GPC5: variants seen among roughly 807,000 people sequenced by gnomAD.
GPC5 encodes glypican 5.
In GPC5, 47 loss-of-function variants were observed where a neutral mutation model predicts 53.9. The observed-to-expected ratio is 0.87, with a 90% CI of 0.69 to 1.11. GPC5 has a LOEUF of 1.11. Among genes scored for constraint, GPC5 ranks in the 50% most tolerant of loss-of-function variants. The pLI is 0.00. For synonymous variants in GPC5, 286 were observed against 263.3 expected, an observed-to-expected ratio of 1.09 and a Z score of -0.84; for missense variants, 748 against 713.1, an observed-to-expected ratio of 1.05 and a Z score of -0.56.
chr13:91,920,928 T>TC (rs2039707094), intron 6 of GPC5, among the ~76,000 whole-genome samples: 1 of 31,956 alleles, frequency 3.1e-5, no homozygotes, highest in Non-Finnish European at 6.5e-5. Context: ...CTCTCTCTCT[T>TC]TTTTTTTTTT....
At chr13:92,271,235 A>G (rs1446736351) in intron 7 of GPC5, among the ~76,000 whole-genome samples, 2 of 152,202 alleles carry the variant, frequency 1.3e-5, no homozygotes, top group Admixed American at 1.3e-4. Context: ...GCCTTGCCAA[A>G]GGTGATATTT....
intron 6 of GPC5, among the ~76,000 whole-genome samples, chr13:92,068,017 G>C (rs2041180757): frequency 1.3e-5 from 2 of 151,982 alleles, no homozygotes; most frequent in African/African-American, 2.4e-5. Context: ...AGAAAGATTT[G>C]CCTGTTTTGG....
At chr13:92,787,778 G>A (rs1876307420) in intron 7 of GPC5, among the ~76,000 whole-genome samples, 1 of 151,270 alleles carries the variant, frequency 6.6e-6, no homozygotes, top group Non-Finnish European at 1.5e-5. Context: ...TTGGGAGGCT[G>A]AGGAGGGAGG....
chr13:91,579,388 G>A (rs576064638), intron 2 of GPC5, among the ~76,000 whole-genome samples: 2 of 152,182 alleles, frequency 1.3e-5, no homozygotes, highest in South Asian at 4.1e-4. Flanking sequence ...GTAACTATAA[G>A]AGTGCTGTAA....
At chr13:92,853,669 A>T (rs1878888524) in intron 7 of GPC5, among the ~76,000 whole-genome samples, 1 of 152,190 alleles carries the variant, frequency 6.6e-6, no homozygotes. Context: ...ATCTCCTAGA[A>T]AGTAGAGTAA....
At chr13:92,654,196 T>A (rs1242589964) in intron 7 of GPC5, among the ~76,000 whole-genome samples, 2 of 152,228 alleles carry the variant, frequency 1.3e-5, no homozygotes, top group African/African-American at 4.8e-5. Context: ...TGAATACCCT[T>A]AAAATGTTTA....
Position 92,161,136 on chromosome 13 carries a change from G to A in GPC5, c.1561+16147G>A, listed in dbSNP as rs116224442. Among the ~76,000 whole-genome samples, 738 of 151,532 alleles carry A rather than the reference G, an allele frequency of 4.9e-3. 10 individuals are homozygous for A. The highest frequency in any genetic ancestry group is 0.016 in the African/African-American group (667 of 41,270). On this transcript the variant is annotated intron_variant, in intron 7 of 7. Transcript: ENST00000377067. ...TCTTTTTATCTGTCTATATGCCACA[G>A]AACTATTCTTGATCATGGAGTATAT...
intron 6 of GPC5, among the ~76,000 whole-genome samples, chr13:92,083,370 G>A (rs1366080200): frequency 6.6e-6 from 1 of 152,114 alleles, no homozygotes; most frequent in African/African-American, 2.4e-5. Context: ...AGATTGAGAA[G>A]ATGCATTTGA....
chr13:92,577,999 G>A (rs898006472), intron 7 of GPC5, among the ~76,000 whole-genome samples: 3 of 152,146 alleles, frequency 2.0e-5, no homozygotes, highest in South Asian at 2.1e-4. Context: ...AAGGAAAGAC[G>A]ATGCAATGAA....
chr13:92,123,360 A>G (rs2041666745), intron 6 of GPC5, among the ~76,000 whole-genome samples: 3 of 152,216 alleles, frequency 2.0e-5, no homozygotes, highest in African/African-American at 4.8e-5. Context: ...TTGTTATATG[A>G]CATTTATAAC....
chr13:92,545,372 A>G (rs758923018), intron 7 of GPC5, among the ~76,000 whole-genome samples: 3 of 152,160 alleles, frequency 2.0e-5, no homozygotes, highest in African/African-American at 7.2e-5. Context: ...TAGTGCTGCA[A>G]TAAACATACG....
intron 7 of GPC5, among the ~76,000 whole-genome samples, chr13:92,394,111 C>T (rs1207937697): frequency 6.6e-6 from 1 of 152,054 alleles, no homozygotes; most frequent in Non-Finnish European, 1.5e-5. Flanking sequence ...TATCTAAGCA[C>T]AGGCTGAATG....
chr13:92,176,303 C>T (rs1159150976), intron 7 of GPC5, among the ~76,000 whole-genome samples: 1 of 152,120 alleles, frequency 6.6e-6, no homozygotes, highest in Admixed American at 6.5e-5. Context: ...AAGTACATAC[C>T]TTTCATGAGG....
At chr13:91,953,255 G>A (rs1035592304) in intron 6 of GPC5, among the ~76,000 whole-genome samples, 6 of 152,162 alleles carry the variant, frequency 3.9e-5, no homozygotes, top group African/African-American at 1.2e-4. Flanking sequence ...AGCTGGACCT[G>A]ATGAATATTT....
chr13:92,700,589 T>C (rs1186652254), intron 7 of GPC5, among the ~76,000 whole-genome samples: 3 of 152,010 alleles, frequency 2.0e-5, no homozygotes, highest in African/African-American at 7.2e-5. Context: ...ACTGGACTTT[T>C]TCAAATGTGT....
intron 7 of GPC5, among the ~76,000 whole-genome samples, chr13:92,441,880 C>A (rs1259353028): frequency 6.6e-6 from 1 of 152,134 alleles, no homozygotes; most frequent in Non-Finnish European, 1.5e-5. Flanking sequence ...ATAGCCAAAG[C>A]AATCCTAACT....
At chr13:92,788,955 G>T (rs1305905870) in intron 7 of GPC5, among the ~76,000 whole-genome samples, 1 of 152,036 alleles carries the variant, frequency 6.6e-6, no homozygotes, top group African/African-American at 2.4e-5. Flanking sequence ...ATTGGGTAGG[G>T]TATTTGCTCA....
chr13:92,478,277 C>G (rs981027643), intron 7 of GPC5, among the ~76,000 whole-genome samples: 4 of 152,064 alleles, frequency 2.6e-5, no homozygotes, highest in African/African-American at 4.8e-5. Flanking sequence ...TGTTGAATGT[C>G]AAAACCTGCA....
chr13:92,009,225 T>A (rs1210708821), intron 6 of GPC5, among the ~76,000 whole-genome samples: 1 of 149,802 alleles, frequency 6.7e-6, no homozygotes, highest in African/African-American at 2.4e-5. Context: ...GCTCATTATT[T>A]TTTTTTATCT....
Sources: gnomAD v4.1 joint callset for allele counts (sites outside exome capture counted in the v4.1 genomes callset) on GRCh38, gnomAD v4.1.1 for gene constraint, MANE v1.5 for transcripts, NCBI Gene and HGNC (gene_info 2026-07-23, HGNC 2026-07-21) for gene names.